PEAK1: variants seen among roughly 807,000 people sequenced by gnomAD.
The protein encoded by PEAK1 is pseudopodium enriched atypical kinase 1.
Under a neutral mutation model 124.7 loss-of-function variants are expected in PEAK1, and 54 were observed. The ratio of observed to expected loss-of-function variants is 0.43; its 90% CI spans 0.35 to 0.54. PEAK1 has a LOEUF of 0.54. Ranked by LOEUF, PEAK1 falls within the 20% of genes least tolerant of loss-of-function variation. The pLI is 0.01. For missense variants in PEAK1, 2,046 were observed against 2,134.5 expected (o/e 0.96, Z 0.82); for synonymous variants, 719 against 760.0 (o/e 0.95, Z 0.89).
intron 5 of PEAK1, chr15:77,278,691 A>G (rs1477235534): frequency 1.5e-5 from 8 of 520,268 alleles, no homozygotes; most frequent in Admixed American, 7.9e-5. Flanking sequence ...GGAGATGCCA[A>G]AACAGACCAG....
At chr15:77,409,906 T>A (rs2142100041) in intron 1 of PEAK1, among the ~76,000 whole-genome samples, 1 of 152,256 alleles carries the variant, frequency 6.6e-6, no homozygotes, top group South Asian at 2.1e-4. Flanking sequence ...GTTAAGAAAC[T>A]AACATAAAGT....
At chr15:77,348,482 T>C in intron 2 of PEAK1, 1 of 958,532 alleles carries the variant, frequency 1.0e-6, no homozygotes, top group Non-Finnish European at 1.2e-6. Flanking sequence ...CTAAACACAA[T>C]GTAAACAATA....
At chr15:77,313,702 A>ATATATATATATATATG (rs1213561861) in intron 2 of PEAK1, among the ~76,000 whole-genome samples, 59 of 119,424 alleles carry the variant, frequency 4.9e-4, no homozygotes, top group African/African-American at 2.0e-3. Flanking sequence ...GTATATATAT[A>ATATATATATATATATG]TATGTATGTG....
chr15:77,292,571 C>T (rs763284746), intron 2 of PEAK1, among the ~76,000 whole-genome samples: 13 of 151,670 alleles, frequency 8.6e-5, no homozygotes, highest in African/African-American at 1.7e-4. Flanking sequence ...GTATAAGAAC[C>T]GAAACAAGAA....
intron 8 of PEAK1, among the ~76,000 whole-genome samples, chr15:77,145,203 C>G (rs1187441156): frequency 1.3e-5 from 2 of 152,230 alleles, no homozygotes. Flanking sequence ...AATCCCAGCA[C>G]TTCGGGAGGC....
At chr15:77,396,758 G>A (rs1287510017) in intron 1 of PEAK1, among the ~76,000 whole-genome samples, 2 of 152,062 alleles carry the variant, frequency 1.3e-5, no homozygotes, top group African/African-American at 2.4e-5. Context: ...CAACACTGGA[G>A]GACCCAGATA....
In PEAK1 at chr15:77,179,508, T is replaced by C. The variant is rs772400847; in HGVS notation, c.2419A>G (p.Lys807Glu). 4 of 1,614,134 alleles carry C rather than the reference T, an allele frequency of 2.5e-6. No homozygotes were observed. Among genetic ancestry groups the C allele is most frequent in the Admixed American group, 3.3e-5 (2 of 59,996 alleles). Residue 807 changes from lysine to glutamate, a missense_variant, in exon 7 of 10, where the codon AAG (lysine) becomes GAG (glutamate). Coordinates refer to ENST00000682557, the MANE Select transcript of PEAK1 (RefSeq NM_001385026.1). ...YAIPPDADVA[K>E]STPKSTPVRP... is the part of the protein sequence containing the mutation. ...ACTGGCGTACTCTTAGGTGTGCTCT[T>C]AGCAACATCAGCATCTGGAGGAATG... is the stretch of plus-strand genomic sequence containing the variant.
Position 77,114,431 on chromosome 15 carries a change from T to C in PEAK1, c.4966A>G (p.Ile1656Val), listed in dbSNP as rs759048809. The part of the protein sequence containing the change: ...LNPNPSERIL[I>V]SDAKGILQCL... ...TGGAGGATGCCTTTGGCGTCTGAAA[T>C]GAGGATCCGCTCAGAAGGGTTGGGA... Residue 1656 changes from isoleucine to valine, a missense_variant, in exon 10 of 10, where the codon ATT becomes GTT. Coordinates refer to ENST00000682557, the MANE Select transcript of PEAK1 (RefSeq NM_001385026.1). 1.9e-6 allele frequency: 3 copies of C among 1,614,014 alleles called. No individual in the cohort carries two copies. The South Asian group carries it at 3.3e-5, about 18-fold the overall frequency.
intron 2 of PEAK1, among the ~76,000 whole-genome samples, chr15:77,287,961 T>C (rs1000594013): frequency 1.3e-5 from 2 of 152,166 alleles, no homozygotes; most frequent in Non-Finnish European, 2.9e-5. Context: ...TCCCTATTAA[T>C]AGTATCTAAA....
intron 7 of PEAK1, among the ~76,000 whole-genome samples, chr15:77,166,867 G>C (rs2056138163): frequency 6.6e-6 from 1 of 152,186 alleles, no homozygotes; most frequent in South Asian, 2.1e-4. Flanking sequence ...AGGTCTCGGT[G>C]ACTTCAAAGT....
At chr15:77,347,686 A>C (rs962773465) in intron 2 of PEAK1, 1 of 970,638 alleles carries the variant, frequency 1.0e-6, no homozygotes, top group African/African-American at 1.8e-5. Context: ...CTAAAACAGA[A>C]ATTTTTAGAA....
intron 1 of PEAK1, among the ~76,000 whole-genome samples, chr15:77,394,595 T>G (rs1236450156): frequency 6.6e-6 from 1 of 152,200 alleles, no homozygotes; most frequent in Non-Finnish European, 1.5e-5. Context: ...AATGCAGACA[T>G]GGCTGCAGTA....
intron 6 of PEAK1, among the ~76,000 whole-genome samples, chr15:77,240,757 G>A (rs148858902): frequency 6.6e-6 from 1 of 152,074 alleles, no homozygotes; most frequent in African/African-American, 2.4e-5. Context: ...ACCTTAAGAG[G>A]GCCCAACTCT....
chr15:77,151,435 A>G (rs1216521990), intron 8 of PEAK1, among the ~76,000 whole-genome samples: 15 of 152,302 alleles, frequency 9.8e-5, no homozygotes, highest in African/African-American at 1.4e-4. Context: ...AATAGATTGC[A>G]AAAATTTTCT....
Position 77,336,998 on chromosome 15 carries a change from T to C in PEAK1, c.-603+28165A>G, listed in dbSNP as rs950527052. On this transcript the variant is annotated intron_variant, in intron 2 of 9. Coordinates refer to ENST00000682557, the MANE Select transcript of PEAK1 (RefSeq NM_001385026.1). ...CACTATATAATATTTTCCAAAGATA[T>C]AGAAATATCCAAAGACATAAATTAA... The C allele has an allele frequency of 2.7e-5, 14 of 528,280 alleles. No homozygotes were observed. The East Asian group carries it at 7.5e-4, about 28-fold the overall frequency. 32.7% of individuals were successfully genotyped at this position (528,280 alleles called of 1,614,324 possible).
intron 1 of PEAK1, among the ~76,000 whole-genome samples, chr15:77,405,190 G>T (rs377054613): frequency 1.3e-5 from 2 of 152,004 alleles, no homozygotes; most frequent in Admixed American, 6.6e-5. Flanking sequence ...TGTTTTAGTA[G>T]GGATGGGGTT....
intron 1 of PEAK1, chr15:77,402,559 T>C: frequency 1.0e-6 from 1 of 975,420 alleles, no homozygotes; most frequent in South Asian, 4.7e-5. Flanking sequence ...TTAATCTGAT[T>C]ATCTTTCTGT....
At chr15:77,233,071 T>A (rs975742124) in intron 6 of PEAK1, among the ~76,000 whole-genome samples, 4 of 152,128 alleles carry the variant, frequency 2.6e-5, no homozygotes, top group Non-Finnish European at 4.4e-5. Context: ...GCATCATCAG[T>A]TTCTCCATTC....
intron 5 of PEAK1, among the ~76,000 whole-genome samples, chr15:77,275,119 G>T (rs905252979): frequency 6.6e-6 from 1 of 152,174 alleles, no homozygotes; most frequent in East Asian, 1.9e-4. Flanking sequence ...AAGCTATGAG[G>T]ATGCAAAGAC....
Sources: gnomAD v4.1 joint callset for allele counts (sites outside exome capture counted in the v4.1 genomes callset) on GRCh38, gnomAD v4.1.1 for gene constraint, MANE v1.5 for transcripts, NCBI Gene and HGNC (gene_info 2026-07-23, HGNC 2026-07-21) for gene names.